LRRTM4: variants seen among roughly 807,000 people sequenced by gnomAD.
The protein encoded by LRRTM4 is leucine rich repeat transmembrane neuronal 4.
In LRRTM4, 25 loss-of-function variants were observed where a neutral mutation model predicts 47.6. That is an observed-to-expected ratio of 0.53 (90% CI 0.38 to 0.73). The LOEUF (loss-of-function observed/expected upper bound fraction) is 0.73, where lower values mean the gene tolerates loss of function less well. Ranked by LOEUF, LRRTM4 falls within the 30% of genes least tolerant of loss-of-function variation. The pLI, the probability that LRRTM4 is intolerant of heterozygous loss-of-function variation, is 0.00. For synonymous variants in LRRTM4, 311 were observed against 269.5 expected, an observed-to-expected ratio of 1.15 and a Z score of -1.51; for missense variants, 638 against 713.4, an observed-to-expected ratio of 0.89 and a Z score of 1.20.
At chr2:77,392,110 C>A (rs1673527534) in intron 3 of LRRTM4, among the ~76,000 whole-genome samples, 1 of 152,058 alleles carries the variant, frequency 6.6e-6, no homozygotes, top group Non-Finnish European at 1.5e-5. Flanking sequence ...TACATCTATT[C>A]TCTCTGAAGC....
chr2:77,272,825 A>C (rs1371791892), intron 3 of LRRTM4, among the ~76,000 whole-genome samples: 1 of 152,062 alleles, frequency 6.6e-6, no homozygotes, highest in Non-Finnish European at 1.5e-5. Context: ...CACATACTGG[A>C]GCATATGAGC....
intron 3 of LRRTM4, among the ~76,000 whole-genome samples, chr2:77,167,836 G>T (rs1672931086): frequency 6.6e-6 from 1 of 152,030 alleles, no homozygotes; most frequent in Non-Finnish European, 1.5e-5. Context: ...AGCGTTAGGA[G>T]ATATACCTAA....
intron 3 of LRRTM4, among the ~76,000 whole-genome samples, chr2:77,030,638 A>G (rs985306780): frequency 6.6e-6 from 1 of 152,172 alleles, no homozygotes; most frequent in Non-Finnish European, 1.5e-5. Flanking sequence ...AACTAAGGAT[A>G]ACAACCAAAA....
At chr2:77,006,547 C>T (rs1677657768) in intron 3 of LRRTM4, among the ~76,000 whole-genome samples, 1 of 152,094 alleles carries the variant, frequency 6.6e-6, no homozygotes, top group African/African-American at 2.4e-5. Flanking sequence ...ATGCAGCATT[C>T]TGAGGTATAG....
intron 3 of LRRTM4, among the ~76,000 whole-genome samples, chr2:77,448,093 C>A (rs2103945184): frequency 6.6e-6 from 1 of 152,258 alleles, no homozygotes; most frequent in East Asian, 1.9e-4. Flanking sequence ...TTTCCTTAAT[C>A]ATTCTCTAAT....
intron 3 of LRRTM4, among the ~76,000 whole-genome samples, chr2:77,292,886 TA>T (rs1676867535): frequency 1.3e-5 from 2 of 151,442 alleles, no homozygotes; most frequent in African/African-American, 4.8e-5. Flanking sequence ...AAAAAATAAA[TA>T]AAACACATCA....
intron 3 of LRRTM4, among the ~76,000 whole-genome samples, chr2:77,022,367 T>G (rs1678304989): frequency 6.6e-6 from 1 of 152,098 alleles, no homozygotes; most frequent in African/African-American, 2.4e-5. Context: ...TTCTTCCCCC[T>G]GCCCCTCCAA....
chr2:76,992,441 A>T (rs1287958894), intron 3 of LRRTM4, among the ~76,000 whole-genome samples: 1 of 151,776 alleles, frequency 6.6e-6, no homozygotes, highest in East Asian at 1.9e-4. Flanking sequence ...AAGTTTGGGG[A>T]TACAAAATTA....
Position 77,518,130 on chromosome 2 carries a change from A to T in LRRTM4, c.1551+188T>A, listed in dbSNP as rs11684820. ...AACTTCCTTCAAGTTTCAACCATTT[A>T]AAAAAAAAAAAAAAGCAGTCAATTT... On this transcript the variant is annotated intron_variant, in intron 3 of 3. Transcript: ENST00000409884. The T allele has an allele frequency of 0.29, 67,625 of 231,178 alleles. 407 individuals carry two copies. The highest frequency in any genetic ancestry group is 0.38 in the Middle Eastern group (259 of 678). The allele number at this position is 231,178 out of a possible 1,614,324, so 14.3% of individuals were successfully genotyped here.
At chr2:77,230,981 G>T (rs1674947054) in intron 3 of LRRTM4, among the ~76,000 whole-genome samples, 1 of 151,842 alleles carries the variant, frequency 6.6e-6, no homozygotes, top group East Asian at 1.9e-4. Context: ...AAAATGCTCG[G>T]TGAAGCTTCA....
intron 3 of LRRTM4, among the ~76,000 whole-genome samples, chr2:76,915,192 G>C (rs1674202070): frequency 6.6e-6 from 1 of 152,206 alleles, no homozygotes. Flanking sequence ...CTCTTGATTG[G>C]AGTGAGAGTA....
intron 3 of LRRTM4, among the ~76,000 whole-genome samples, chr2:76,968,362 ATAT>A (rs1676103004): frequency 7.6e-6 from 1 of 131,516 alleles, no homozygotes; most frequent in Non-Finnish European, 1.6e-5. Context: ...ATATATATAT[ATAT>A]ATATATATAT....
At chr2:77,518,039 C>T (rs1322562822) in intron 3 of LRRTM4, 2 of 1,163,886 alleles carry the variant, frequency 1.7e-6, no homozygotes, top group Non-Finnish European at 2.1e-6. Context: ...AGTCCAACCC[C>T]TGTATACAAA....
chr2:77,010,640 C>A (rs557444652), intron 3 of LRRTM4, among the ~76,000 whole-genome samples: 5 of 152,074 alleles, frequency 3.3e-5, no homozygotes, highest in African/African-American at 7.2e-5. Context: ...ATGAAGATAT[C>A]TCTTTGACAT....
intron 3 of LRRTM4, among the ~76,000 whole-genome samples, chr2:77,482,221 T>TAAAG (rs1677731716): frequency 6.6e-6 from 1 of 152,208 alleles, no homozygotes; most frequent in Non-Finnish European, 1.5e-5. Context: ...TTTTTTCCAA[T>TAAAG]ATGATTTTGC....
At chr2:77,192,138 G>A (rs567796930) in intron 3 of LRRTM4, among the ~76,000 whole-genome samples, 7 of 152,130 alleles carry the variant, frequency 4.6e-5, no homozygotes, top group Non-Finnish European at 5.9e-5. Context: ...CTGTGTGTTC[G>A]TGGGTTGCCA....
intron 3 of LRRTM4, among the ~76,000 whole-genome samples, chr2:76,833,230 T>A (rs1671404982): frequency 6.6e-6 from 1 of 151,954 alleles, no homozygotes; most frequent in African/African-American, 2.4e-5. Context: ...GGGTGAAGAG[T>A]TTTATTTTAA....
intron 3 of LRRTM4, among the ~76,000 whole-genome samples, chr2:77,476,963 GATGTGT>G (rs751960924): frequency 9.6e-6 from 1 of 104,460 alleles, no homozygotes; most frequent in Non-Finnish European, 1.9e-5. Flanking sequence ...ATTTGTAAGA[GATGTGT>G]GTGTGTGTGT....
At chr2:76,859,470 A>G (rs1438331667) in intron 3 of LRRTM4, among the ~76,000 whole-genome samples, 3 of 152,182 alleles carry the variant, frequency 2.0e-5, no homozygotes, top group Non-Finnish European at 4.4e-5. Flanking sequence ...GAAAAATGAT[A>G]CACAGAGAAG....
Sources: allele counts gnomAD v4.1 joint callset (sites outside exome capture counted in the v4.1 genomes callset), GRCh38; gene constraint gnomAD v4.1.1; transcripts MANE v1.5; gene names NCBI Gene and HGNC (gene_info 2026-07-23, HGNC 2026-07-21).